The following SPATA6 variants were observed in gnomAD, a reference collection of about 807,000 sequenced individuals.
SPATA6 encodes spermatogenesis associated 6, also known as spermatogenesis-associated protein 6.
In SPATA6, 56 loss-of-function variants were observed where a neutral mutation model predicts 65.3. That is an observed-to-expected ratio of 0.86 (90% CI 0.69 to 1.07). SPATA6 has a LOEUF of 1.07. SPATA6 is among the 50% of genes least tolerant of loss of function. SPATA6 has a pLI of 0.00. For missense variants in SPATA6, 590 were observed against 594.8 expected (o/e 0.99, Z 0.08); for synonymous variants, 199 against 213.2 (o/e 0.93, Z 0.58).
intron 8 of SPATA6, among the ~76,000 whole-genome samples, chr1:48,392,938 A>AG (rs933240488): frequency 1.3e-4 from 20 of 151,912 alleles, no homozygotes; most frequent in African/African-American, 4.6e-4. Context: ...AAAAAAGTTG[A>AG]GGGGGGACAT....
chr1:48,343,257 G>T (rs1646269380), intron 11 of SPATA6, among the ~76,000 whole-genome samples: 1 of 152,036 alleles, frequency 6.6e-6, no homozygotes, highest in Non-Finnish European at 1.5e-5. Flanking sequence ...GGCCAAAGTT[G>T]AGCTTATTTG....
At chr1:48,351,804 G>T (rs1429903655) in intron 11 of SPATA6, among the ~76,000 whole-genome samples, 1 of 151,900 alleles carries the variant, frequency 6.6e-6, no homozygotes, top group Non-Finnish European at 1.5e-5. Flanking sequence ...AAATGACCTG[G>T]GAAGTTTTCC....
the SPATA6 span, among the ~76,000 whole-genome samples, chr1:48,276,575 G>A: frequency 8.6e-4 from 131 of 151,962 alleles, 1 homozygote; most frequent in African/African-American, 2.9e-3. Context: ...TATTTCTGCC[G>A]TTACGTCCTT....
At position 48,472,010 on chromosome 1, in the gene SPATA6, C is replaced by A. The variant is rs1195621539; in HGVS notation, c.-2G>T. ...CTGCAGCGCCTTCACCTTCGGCATC[C>A]GTGCGGGGAGGGGCGGCGGGGAGTG... On this transcript the variant is annotated 5_prime_UTR_variant, in exon 1 of 13. Transcript: ENST00000371847. The A allele has an allele frequency of 3.4e-6, 5 of 1,485,478 alleles. No homozygotes were observed. The highest frequency in any genetic ancestry group is 2.9e-5 in the African/African-American group (2 of 69,386). The allele number at this position is 1,485,478 out of a possible 1,614,324, so 92.0% of individuals were successfully genotyped here. A position where few individuals can be genotyped will look rare whatever the true frequency, so the allele number is the denominator to read the frequency against.
At chr1:48,421,026 C>T (rs1468501350) in intron 3 of SPATA6, among the ~76,000 whole-genome samples, 1 of 151,848 alleles carries the variant, frequency 6.6e-6, no homozygotes, top group Admixed American at 6.6e-5. Flanking sequence ...ATAGTAATAA[C>T]CAGAGCTTGG....
chr1:48,289,101 G>A, the SPATA6 span, among the ~76,000 whole-genome samples: 4 of 152,218 alleles, frequency 2.6e-5, no homozygotes, highest in Admixed American at 6.5e-5. Context: ...TCCCAGTAGG[G>A]GCTGACTGAC....
At chr1:48,281,125 A>C in the SPATA6 span, among the ~76,000 whole-genome samples, 1 of 152,234 alleles carries the variant, frequency 6.6e-6, no homozygotes, top group Non-Finnish European at 1.5e-5. Flanking sequence ...CTTTGACAAA[A>C]TTCAACAACC....
downstream of SPATA6, among the ~76,000 whole-genome samples, chr1:48,294,431 C>T (rs1418706799): frequency 6.6e-6 from 1 of 152,130 alleles, no homozygotes; most frequent in Non-Finnish European, 1.5e-5. Context: ...CCACCAGAGC[C>T]TCCTTAATTA....
chr1:48,304,526 T>C (rs1207723885), intron 12 of SPATA6, among the ~76,000 whole-genome samples: 1 of 152,182 alleles, frequency 6.6e-6, no homozygotes, highest in Non-Finnish European at 1.5e-5. Flanking sequence ...ATTTATTTTG[T>C]AGAGACAGGG....
chr1:48,282,308 G>A, the SPATA6 span, among the ~76,000 whole-genome samples: 1 of 152,068 alleles, frequency 6.6e-6, no homozygotes, highest in African/African-American at 2.4e-5. Flanking sequence ...CAAAAGCAAT[G>A]GCAACAAAAG....
chr1:48,352,162 G>C (rs1274944171), intron 11 of SPATA6, among the ~76,000 whole-genome samples: 1 of 152,036 alleles, frequency 6.6e-6, no homozygotes, highest in Non-Finnish European at 1.5e-5. Flanking sequence ...AGCAAGAAAA[G>C]AGAGATCTTA....
chr1:48,472,002 T>G lies in SPATA6; in HGVS notation c.7A>C (p.Lys3Gln). Residue 3 changes from lysine (K) to glutamine (Q), a missense_variant, in exon 1 of 13, where the codon AAG becomes CAG. Coordinates refer to ENST00000371847, the MANE Select transcript of SPATA6 (RefSeq NM_019073.4). MP[K>Q]VKALQCALAL... ...AGGGCGCACTGCAGCGCCTTCACCTTCGGCATCCGTGCGGGGAGGGGCGGC... is the reference window on the plus strand; with the variant it reads ...AGGGCGCACTGCAGCGCCTTCACCTGCGGCATCCGTGCGGGGAGGGGCGGC... The G allele has an allele frequency of 6.4e-7, 1 of 1,570,668 alleles. No individual in the cohort carries two copies. Among genetic ancestry groups the G allele is most frequent in the East Asian group, 2.4e-5 (1 of 41,188 alleles).
At chr1:48,341,270 C>T (rs1472095698) in intron 11 of SPATA6, among the ~76,000 whole-genome samples, 1 of 152,170 alleles carries the variant, frequency 6.6e-6, no homozygotes, top group Admixed American at 6.5e-5. Context: ...ATCAGTTCCA[C>T]TTCCCATGGT....
At chr1:48,389,850 C>T (rs1042549707) in intron 8 of SPATA6, among the ~76,000 whole-genome samples, 20 of 152,084 alleles carry the variant, frequency 1.3e-4, no homozygotes, top group Admixed American at 1.2e-3. Flanking sequence ...AAATACAAAA[C>T]TCAACAATAA....
intron 11 of SPATA6, among the ~76,000 whole-genome samples, chr1:48,320,538 A>G (rs1410369481): frequency 6.6e-6 from 1 of 152,254 alleles, no homozygotes; most frequent in East Asian, 1.9e-4. Flanking sequence ...AACATTAAGG[A>G]GAAATAAAGA....
downstream of SPATA6, among the ~76,000 whole-genome samples, chr1:48,293,168 C>T (rs895244421): frequency 3.3e-5 from 5 of 152,244 alleles, no homozygotes; most frequent in Non-Finnish European, 5.9e-5. Context: ...CAGTCTTCCC[C>T]GGGATTTGAG....
intron 11 of SPATA6, among the ~76,000 whole-genome samples, chr1:48,342,412 G>A (rs369154974): frequency 1.3e-5 from 2 of 151,888 alleles, no homozygotes; most frequent in Admixed American, 1.3e-4. Flanking sequence ...TCAGAAGATC[G>A]AGACCATCCT....
intron 11 of SPATA6, among the ~76,000 whole-genome samples, chr1:48,334,925 C>A (rs949259955): frequency 6.6e-6 from 1 of 152,100 alleles, no homozygotes; most frequent in Non-Finnish European, 1.5e-5. Flanking sequence ...TGATAAGCAA[C>A]TTGAGTAAAG....
chr1:48,287,479 G>A, the SPATA6 span, among the ~76,000 whole-genome samples: 7 of 152,334 alleles, frequency 4.6e-5, no homozygotes, highest in East Asian at 1.2e-3. Context: ...GTGGCTTGGT[G>A]AGAAGTAATT....
Sources: gnomAD v4.1 joint callset for allele counts (sites outside exome capture counted in the v4.1 genomes callset) on GRCh38, gnomAD v4.1.1 for gene constraint, MANE v1.5 for transcripts, NCBI Gene and HGNC (gene_info 2026-07-23, HGNC 2026-07-21) for gene names.